Variants in IQGAP1 observed in about 807,000 individuals in gnomAD.
IQGAP1 encodes ras GTPase-activating-like protein IQGAP1.
In IQGAP1, 66 loss-of-function variants were observed where a neutral mutation model predicts 215.6. The observed-to-expected ratio is 0.31, with a 90% confidence interval of 0.25 to 0.38. IQGAP1 has a LOEUF of 0.38. IQGAP1 is among the 10% of genes least tolerant of loss of function. The pLI is 1.00. For missense variants in IQGAP1, 1,712 were observed against 1,997.1 expected (o/e 0.86, Z 2.72); for synonymous variants, 772 against 728.7 (o/e 1.06, Z -0.96).
Position 90,486,141 on chromosome 15 carries a change from C to G in IQGAP1, c.4024+9C>G, listed in dbSNP as rs1243630681. 6.9e-6 allele frequency: 11 copies of G among 1,599,484 alleles called. No homozygotes were observed. The highest frequency in any genetic ancestry group is 1.1e-5 in the South Asian group (1 of 90,080). ...CATCGAGTCCCTGATAGGTAGAGTT[C>G]TAACTTTTGCCTGGAAGATCAAAAG... is the stretch of plus-strand genomic sequence containing the variant. On this transcript the variant is annotated intron_variant, in intron 31 of 37. Coordinates refer to ENST00000268182, the MANE Select transcript of IQGAP1 (RefSeq NM_003870.4).
At chr15:90,414,145 C>T (rs1965009727) in intron 2 of IQGAP1, among the ~76,000 whole-genome samples, 1 of 151,948 alleles carries the variant, frequency 6.6e-6, no homozygotes, top group Non-Finnish European at 1.5e-5. Context: ...TTTCCTCTTC[C>T]TTTCTTACAC....
intron 2 of IQGAP1, among the ~76,000 whole-genome samples, chr15:90,409,438 A>G (rs1047968746): frequency 4.6e-5 from 7 of 151,970 alleles, no homozygotes; most frequent in African/African-American, 1.5e-4. Context: ...GGGTCTTACC[A>G]TGTTGGCCAG....
chr15:90,421,995 C>CT (rs1257253352), intron 2 of IQGAP1, among the ~76,000 whole-genome samples: 1 of 152,172 alleles, frequency 6.6e-6, no homozygotes, highest in African/African-American at 2.4e-5. Context: ...GGTTTTGTGT[C>CT]TAAGTTGAGA....
chr15:90,413,753 T>G (rs148680666), intron 2 of IQGAP1, among the ~76,000 whole-genome samples: 7 of 152,300 alleles, frequency 4.6e-5, no homozygotes, highest in African/African-American at 1.7e-4. Context: ...TGATCACTAG[T>G]ATTTGGTATG....
chr15:90,477,819 A>G lies in IQGAP1; in HGVS notation c.3259A>G (p.Ile1087Val). 1 of 1,614,084 alleles carries G rather than the reference A, an allele frequency of 6.2e-7. No individual in the cohort carries two copies. Among genetic ancestry groups the G allele is most frequent in the Non-Finnish European group, 8.5e-7 (1 of 1,179,986 alleles). ...KEIMDDKSLN[I>V]KTDPVDIYKS... ...AATTATGGATGACAAATCTCTCAAC[A>G]TCAAAACTGACCCTGTGGATATTTA... The change falls in exon 26 of 38, where the codon ATC becomes GTC. Residue 1087 changes from isoleucine (I) to valine (V), a missense_variant. Coordinates refer to ENST00000268182, the MANE Select transcript of IQGAP1 (RefSeq NM_003870.4).
chr15:90,477,335 T>C, intron 25 of IQGAP1, 105 bp downstream of exon 25: 1 of 941,610 alleles, frequency 1.1e-6, no homozygotes, highest in South Asian at 1.8e-5. Context: ...AATTAATTTA[T>C]GAAAAATACT....
At chr15:90,446,964 A>G (rs1965535566) in intron 9 of IQGAP1, among the ~76,000 whole-genome samples, 1 of 152,206 alleles carries the variant, frequency 6.6e-6, no homozygotes, top group Non-Finnish European at 1.5e-5. Context: ...TAGAAAAAGC[A>G]AAATTTACTA....
rs1965949586 is a variant in IQGAP1 at position 90,474,424 on chromosome 15, A to G, written c.2576-61A>G. ...TAGACTACTTTTTCAAGACAATGCT[A>G]TTTCCTGAGACGTAGTACTTTTTCT... On this transcript the variant is annotated intron_variant, in intron 22 of 37. Transcript: ENST00000268182. 3 of 1,281,250 alleles carry G rather than the reference A, an allele frequency of 2.3e-6. No homozygotes were observed. The Admixed American group carries it at 5.1e-5, about 22-fold the overall frequency. 79.4% of individuals were successfully genotyped at this position (1,281,250 alleles called of 1,614,324 possible).
chr15:90,408,135 T>G (rs930030351), intron 2 of IQGAP1, among the ~76,000 whole-genome samples: 1 of 152,140 alleles, frequency 6.6e-6, no homozygotes, highest in Non-Finnish European at 1.5e-5. Flanking sequence ...TCCTTTAGAG[T>G]TGAAGCTCTT....
intron 8 of IQGAP1, 128 bp from the exon 9 acceptor site, chr15:90,443,266 T>C: frequency 1.8e-6 from 1 of 553,340 alleles, no homozygotes; most frequent in South Asian, 2.9e-5. Context: ...TGCTTTGTTC[T>C]TTATAAAGGG....
chr15:90,498,590 A>C (rs899569202), intron 37 of IQGAP1, among the ~76,000 whole-genome samples: 1 of 152,174 alleles, frequency 6.6e-6, no homozygotes, highest in Non-Finnish European at 1.5e-5. Flanking sequence ...CACAGGTCCC[A>C]GCAGCCCTCA....
intron 35 of IQGAP1, 26 bp from the exon 36 acceptor site, chr15:90,494,687 A>C: frequency 6.3e-7 from 1 of 1,584,368 alleles, no homozygotes; most frequent in Non-Finnish European, 8.6e-7. Flanking sequence ...TTACTTATAG[A>C]AAGTGACATG....
intron 2 of IQGAP1, among the ~76,000 whole-genome samples, chr15:90,408,853 G>C (rs1964916608): frequency 1.3e-5 from 2 of 152,068 alleles, no homozygotes; most frequent in Admixed American, 1.3e-4. Flanking sequence ...GTGCAGGGGT[G>C]CAATCATAGC....
chr15:90,436,928 C>T (rs559827133), intron 5 of IQGAP1, among the ~76,000 whole-genome samples: 1 of 152,288 alleles, frequency 6.6e-6, no homozygotes, highest in East Asian at 1.9e-4. Context: ...CACTGAAAGA[C>T]ATTAAAAGCT....
chr15:90,492,799 C>G lies in IQGAP1; in HGVS notation c.4628+88C>G. On this transcript the variant is annotated intron_variant, in intron 35 of 37. Transcript: ENST00000268182. ...ACTGAAATGACACTGGAAATTTTTACTTAAAATACACTGGATCTATTTATT... is the reference window on the plus strand; with the variant it reads ...ACTGAAATGACACTGGAAATTTTTAGTTAAAATACACTGGATCTATTTATT... The G allele has an allele frequency of 4.8e-6, 5 of 1,034,988 alleles. No individual in the cohort carries two copies. In the East Asian group the frequency reaches 1.3e-4, roughly 26 times the overall value. The allele number at this position is 1,034,988 out of a possible 1,614,324, so 64.1% of individuals were successfully genotyped here. A position where few individuals can be genotyped will look rare whatever the true frequency, so the allele number is the denominator to read the frequency against.
At chr15:90,492,003 CTTTCCCAACAAAATAT>C (rs1224677859) in intron 34 of IQGAP1, among the ~76,000 whole-genome samples, 16 of 152,120 alleles carry the variant, frequency 1.1e-4, no homozygotes, top group African/African-American at 3.9e-4. Context: ...CTTTTTCTCC[CTTTCCCAACAAAATAT>C]TTAAGAGGTC....
intron 2 of IQGAP1, among the ~76,000 whole-genome samples, chr15:90,406,731 A>T (rs1964883984): frequency 2.0e-5 from 3 of 152,180 alleles, no homozygotes; most frequent in Non-Finnish European, 4.4e-5. Flanking sequence ...AGAGATAGTT[A>T]ATATATTGTA....
chr15:90,432,958 A>T (rs1965322954), intron 4 of IQGAP1, among the ~76,000 whole-genome samples: 1 of 152,086 alleles, frequency 6.6e-6, no homozygotes, highest in South Asian at 2.1e-4. Context: ...TCATTCACTA[A>T]CTCATCGAAT....
chr15:90,446,073 T>C (rs1254821731), intron 9 of IQGAP1, among the ~76,000 whole-genome samples: 2 of 152,234 alleles, frequency 1.3e-5, no homozygotes, highest in African/African-American at 4.8e-5. Flanking sequence ...GAATCTGTAT[T>C]AATCCTTAAG....
Sources: allele counts gnomAD v4.1 joint callset (sites outside exome capture counted in the v4.1 genomes callset), GRCh38; gene constraint gnomAD v4.1.1; transcripts MANE v1.5; gene names NCBI Gene and HGNC (gene_info 2026-07-23, HGNC 2026-07-21).